SCN9A: variants seen among roughly 807,000 people sequenced by gnomAD.
SCN9A encodes sodium channel protein type 9 subunit alpha.
A neutral mutation model predicts 187.0 loss-of-function variants in SCN9A; 131 were observed. The ratio of observed to expected loss-of-function variants is 0.70; its 90% CI spans 0.61 to 0.81. SCN9A has a LOEUF of 0.81. SCN9A is among the 30% of genes least tolerant of loss of function. SCN9A has a pLI of 0.00. For missense variants in SCN9A, 2,252 were observed against 2,396.6 expected (o/e 0.94, Z 1.26); for synonymous variants, 809 against 808.6 (o/e 1.00, Z -0.01).
rs1036527497 is a variant in SCN9A, at chr2:166,242,617, T to C, written c.3512A>G (p.Glu1171Gly). The change falls in exon 19 of 27, where the codon GAG becomes GGG. Residue 1171 changes from glutamate to glycine, a missense_variant. This residue lies in a region of SCN9A where 313 missense variants were observed against 295.3 expected (regional missense o/e 1.06). Coordinates refer to ENST00000642356, the MANE Select transcript of SCN9A (RefSeq NM_001365536.1). ...CCACCAGATTTTTCCTTTCCCTGAC[T>C]CTATGTTAACTTGGCAGCATGAGAA... is the stretch of plus-strand genomic sequence containing the variant. ...WRFSCCQVNIESGKGKIWWNI... is the reference protein window; with the variant it reads ...WRFSCCQVNIGSGKGKIWWNI... 3.2e-6 allele frequency: 5 copies of C among 1,553,820 alleles called. No individual in the cohort carries two copies. The African/African-American group carries it at 6.8e-5, about 21-fold the overall frequency.
intron 19 of SCN9A, among the ~76,000 whole-genome samples, chr2:166,239,520 G>T (rs1418543540): frequency 6.6e-6 from 1 of 152,048 alleles, no homozygotes; most frequent in African/African-American, 2.4e-5. Flanking sequence ...AGACAAGTTG[G>T]GGCAGAAAGA....
At chr2:166,356,003 C>T (rs1700144679) in intron 1 of SCN9A, among the ~76,000 whole-genome samples, 1 of 152,108 alleles carries the variant, frequency 6.6e-6, no homozygotes, top group South Asian at 2.1e-4. Flanking sequence ...GATCTCTTGA[C>T]CTTGTGATCT....
chr2:166,297,196 CAAAAAAAAAAAAAA>C (rs71031236), intron 7 of SCN9A, among the ~76,000 whole-genome samples: 2,676 of 33,048 alleles, frequency 0.081, 133 homozygotes, highest in African/African-American at 0.23. Flanking sequence ...GACTCCATCT[CAAAAAAAAAAAAAA>C]AAAAAAAAAA....
At chr2:166,271,181 A>C (rs965950266) in intron 17 of SCN9A, among the ~76,000 whole-genome samples, 3 of 133,674 alleles carry the variant, frequency 2.2e-5, no homozygotes, top group Middle Eastern at 3.3e-3. Context: ...TCCAGGAAGA[A>C]GTATAAAATT....
chr2:166,266,722 C>T lies in SCN9A; in HGVS notation c.3351+5677G>A, dbSNP rs868735877. Among the ~76,000 whole-genome samples, 164 of 151,324 alleles carry T rather than the reference C, an allele frequency of 1.1e-3. 1 individual carries two copies. Among genetic ancestry groups the T allele is most frequent in the African/African-American group, 3.8e-3 (158 of 41,358 alleles). ...TGGAATATCTTTCCCTTTTTGTGTC[C>T]TCTTCAATTTCTCTCACCAATATTT... On this transcript the variant is annotated intron_variant, in intron 17 of 26. Transcript: ENST00000642356.
chr2:166,340,586 CT>C (rs1699754712), intron 1 of SCN9A, among the ~76,000 whole-genome samples: 1 of 62,290 alleles, frequency 1.6e-5, no homozygotes, highest in African/African-American at 1.1e-4. Flanking sequence ...TTCTTTCTTT[CT>C]TTCTTTCTTT....
chr2:166,289,200 A>ATTTTTTTTTTT (rs112721450), intron 9 of SCN9A, among the ~76,000 whole-genome samples: 1 of 149,722 alleles, frequency 6.7e-6, no homozygotes. Context: ...AGGTACAGAG[A>ATTTTTTTTTTT]TTTTTTTTTC....
chr2:166,342,983 T>A (rs1699821223), intron 1 of SCN9A, among the ~76,000 whole-genome samples: 1 of 152,224 alleles, frequency 6.6e-6, no homozygotes, highest in Admixed American at 6.5e-5. Context: ...TAGAGTGCAT[T>A]GAGTTTTAAA....
chr2:166,270,372 C>A (rs1185730095), intron 17 of SCN9A, among the ~76,000 whole-genome samples: 1 of 150,850 alleles, frequency 6.6e-6, no homozygotes, highest in Non-Finnish European at 1.5e-5. Flanking sequence ...AAACATTGTG[C>A]CATTTTATAT....
intron 12 of SCN9A, among the ~76,000 whole-genome samples, chr2:166,283,990 A>C (rs922853667): frequency 2.6e-5 from 4 of 152,198 alleles, no homozygotes; most frequent in African/African-American, 9.7e-5. Flanking sequence ...AATACTAAAT[A>C]TGTGTTTGCT....
intron 7 of SCN9A, among the ~76,000 whole-genome samples, chr2:166,297,950 T>C (rs1698389629): frequency 6.6e-6 from 1 of 151,562 alleles, no homozygotes; most frequent in Admixed American, 6.6e-5. Flanking sequence ...TTAAATTAAT[T>C]TTCAAGATTA....
At position 166,304,241 on chromosome 2, in the gene SCN9A, G is replaced by T. The variant is rs755653914; in HGVS notation, c.685C>A (p.Pro229Thr). 8 of 1,612,966 alleles carry T rather than the reference G, an allele frequency of 5.0e-6. No homozygotes were observed. In the Admixed American group the frequency reaches 1.3e-4, roughly 27 times the overall value. Residue 229 changes from proline to threonine, a missense_variant, in exon 6 of 27, where the codon CCA becomes ACA. Transcript: ENST00000642356. ...CTTCACACCAATTACTTCTTACCTG[G>T]GATTACAGAAATAGTTTTCAAAGCT... ...LRALKTISVIPGLKTIVGALI... is the reference protein window; with the variant it reads ...LRALKTISVITGLKTIVGALI...
At chr2:166,294,712 G>T in intron 7 of SCN9A, 50 bp from the exon 8 acceptor site, 1 of 1,325,052 alleles carries the variant, frequency 7.5e-7, no homozygotes, top group Non-Finnish European at 1.1e-6. Context: ...TTTAATCTGT[G>T]ATTGTGATAA....
At chr2:166,275,310 C>T (rs992717185) in intron 16 of SCN9A, among the ~76,000 whole-genome samples, 2 of 151,850 alleles carry the variant, frequency 1.3e-5, no homozygotes, top group Non-Finnish European at 2.9e-5. Flanking sequence ...CACAGCTGGG[C>T]GCAGTAGCTC....
rs372559804 is a variant in SCN9A, at chr2:166,306,936, A to C, written c.377+20T>G. ...TACACCATAAAGTGCCACTGGATGT[A>C]ATCATTTTTAAAAGGATATGAGTGT... On this transcript the variant is annotated intron_variant, in intron 3 of 26. Transcript: ENST00000642356. 2.8e-5 allele frequency: 38 copies of C among 1,376,308 alleles called. No individual in the cohort carries two copies. The African/African-American group carries it at 4.9e-4, about 18-fold the overall frequency. The allele number at this position is 1,376,308 out of a possible 1,614,324, so 85.3% of individuals were successfully genotyped here.
Position 166,293,241 on chromosome 2 carries a change from A to C in SCN9A, c.1097T>G (p.Leu366Arg). Residue 366 changes from leucine (L) to arginine (R), a missense_variant, in exon 9 of 27, where the codon CTT (leucine) becomes CGT (arginine). Leu to Arg is a moderately radical substitution (Grantham distance 102). This residue lies in a region of SCN9A where 1,013 missense variants were observed against 997.4 expected (regional missense o/e 1.02). Transcript: ENST00000642356. ...RLMTQDYWEN[L>R]YQQTLRAAGK... is the part of the protein sequence containing the mutation. ...TCTCTTGGTACTCACCTGTTGGTAA[A>C]GGTTTTCCCAGTAATCTTGGGTCAT... 6.3e-7 allele frequency: 1 copy of C among 1,582,726 alleles called. No individual in the cohort carries two copies. The highest frequency in any genetic ancestry group is 8.6e-7 in the Non-Finnish European group (1 of 1,162,350).
Position 166,281,819 on chromosome 2 carries a change from A to T in SCN9A, c.1975-11T>A. On this transcript the variant is annotated splice_polypyrimidine_tract_variant and intron_variant, in intron 12 of 26. Coordinates refer to ENST00000642356, the MANE Select transcript of SCN9A (RefSeq NM_001365536.1). ...TTGATTGGTCGTGCCCTAAAAAAAA[A>T]ATCAATTAATGTCTTAAGAACAGAA... 6.2e-7 allele frequency: 1 copy of T among 1,601,072 alleles called. No individual in the cohort carries two copies. Among genetic ancestry groups the T allele is most frequent in the South Asian group, 1.1e-5 (1 of 88,482 alleles).
Position 166,288,537 on chromosome 2 carries a change from T to C in SCN9A, c.1214A>G (p.Tyr405Cys). Residue 405 changes from tyrosine to cysteine, a missense_variant, in exon 10 of 27, where the codon TAT becomes TGT. Transcript: ENST00000642356. Reference sequence around the variant, plus strand: ...AATGTTTGCCTGGTTCTGTTCTTCATATGCCATGGCAACCACAGCCAGGAT... The same window carrying C: ...AATGTTTGCCTGGTTCTGTTCTTCACATGCCATGGCAACCACAGCCAGGAT... The part of the protein sequence containing the change: ...NLILAVVAMA[Y>C]EEQNQANIEE... 1.2e-6 allele frequency: 2 copies of C among 1,613,294 alleles called. No individual in the cohort carries two copies. Among genetic ancestry groups the C allele is most frequent in the Non-Finnish European group, 1.7e-6 (2 of 1,179,396 alleles).
At chr2:166,352,706 C>T (rs1700060071) in intron 1 of SCN9A, among the ~76,000 whole-genome samples, 1 of 152,066 alleles carries the variant, frequency 6.6e-6, no homozygotes, top group Non-Finnish European at 1.5e-5. Flanking sequence ...AGATACTTTT[C>T]CTACACACAG....
Sources: gnomAD v4.1 joint callset for allele counts (sites outside exome capture counted in the v4.1 genomes callset) on GRCh38, gnomAD v4.1.1 for gene constraint, gnomAD v4.1.1 regional missense constraint, MANE v1.5 for transcripts, NCBI Gene and HGNC (gene_info 2026-07-23, HGNC 2026-07-21) for gene names.